AOPEP: variants seen among roughly 807,000 people sequenced by gnomAD.
AOPEP encodes the protein aminopeptidase O (putative).
Under a neutral mutation model 98.1 loss-of-function variants are expected in AOPEP, and 77 were observed. The ratio of observed to expected loss-of-function variants is 0.78; its 90% CI spans 0.65 to 0.95. The LOEUF (loss-of-function observed/expected upper bound fraction) is 0.95. Ranked by LOEUF, AOPEP falls within the 40% of genes least tolerant of loss-of-function variation. AOPEP has a pLI of 0.00. For missense variants in AOPEP, 1,024 were observed against 1,024.7 expected, an observed-to-expected ratio of 1.00 and a Z score of 0.01; for synonymous variants, 346 against 365.3, an observed-to-expected ratio of 0.95 and a Z score of 0.60.
intron 5 of AOPEP, among the ~76,000 whole-genome samples, chr9:94,850,741 C>T (rs570755997): frequency 6.6e-6 from 1 of 152,306 alleles, no homozygotes; most frequent in Non-Finnish European, 1.5e-5. Context: ...GTTGTTTACC[C>T]CTCCCTATGT....
At chr9:95,135,566 A>G in the AOPEP span, 3 of 1,466,756 alleles carry the variant, frequency 2.0e-6, no homozygotes, top group Admixed American at 1.8e-5. Flanking sequence ...AAGATTAAAA[A>G]AAGTTCAAAA....
intron 7 of AOPEP, among the ~76,000 whole-genome samples, chr9:94,948,326 A>G (rs923348783): frequency 3.0e-4 from 46 of 151,572 alleles, no homozygotes; most frequent in Middle Eastern, 3.4e-3. Flanking sequence ...CCATATGCTC[A>G]CCGTTGCATG....
chr9:95,143,190 A>G, the AOPEP span, among the ~76,000 whole-genome samples: 2 of 152,228 alleles, frequency 1.3e-5, no homozygotes, highest in Admixed American at 1.3e-4. Flanking sequence ...CACATGGAAG[A>G]GATGCATGGG....
At chr9:95,145,744 T>G in the AOPEP span, among the ~76,000 whole-genome samples, 1 of 152,092 alleles carries the variant, frequency 6.6e-6, no homozygotes, top group Non-Finnish European at 1.5e-5. Context: ...ATGTGAGAAC[T>G]GAGAATGTGA....
At chr9:94,909,747 G>A (rs2051732744) in intron 5 of AOPEP, among the ~76,000 whole-genome samples, 1 of 152,190 alleles carries the variant, frequency 6.6e-6, no homozygotes. Context: ...CCAGTTTCAG[G>A]CAAGGGGTGT....
chr9:95,037,046 A>G (rs1240772854), intron 13 of AOPEP, among the ~76,000 whole-genome samples: 5 of 152,184 alleles, frequency 3.3e-5, no homozygotes, highest in Non-Finnish European at 7.3e-5. Context: ...TTAGTTGAAC[A>G]CCACAGATGT....
chr9:94,758,759 G>A lies in AOPEP; in HGVS notation c.-135-890G>A, dbSNP rs181586937. 6.8e-4 allele frequency among the ~76,000 whole-genome samples: 104 copies of A among 152,272 alleles called. 1 individual carries two copies. The highest frequency in any genetic ancestry group is 2.3e-3 in the African/African-American group (96 of 41,566). On this transcript the variant is annotated intron_variant, in intron 1 of 16. Coordinates refer to ENST00000375315, the MANE Select transcript of AOPEP (RefSeq NM_001193329.3). ...TGCTGAAAGAAACTAGGTACACAACGGGGACTGAAATAATTTCAAATAATT... is the reference window on the plus strand; with the variant it reads ...TGCTGAAAGAAACTAGGTACACAACAGGGACTGAAATAATTTCAAATAATT...
intron 5 of AOPEP, among the ~76,000 whole-genome samples, chr9:94,882,949 T>C (rs1340432935): frequency 6.6e-6 from 1 of 152,236 alleles, no homozygotes; most frequent in African/African-American, 2.4e-5. Flanking sequence ...CAGTCTCTGA[T>C]TCTTTGGATT....
chr9:95,083,677 A>G (rs773354430), intron 16 of AOPEP, among the ~76,000 whole-genome samples: 2 of 150,690 alleles, frequency 1.3e-5, no homozygotes, highest in South Asian at 4.2e-4. Flanking sequence ...CACCTGCGGC[A>G]CACACAGCAC....
chr9:95,140,313 A>G, the AOPEP span, among the ~76,000 whole-genome samples: 2 of 152,254 alleles, frequency 1.3e-5, no homozygotes, highest in South Asian at 2.1e-4. Flanking sequence ...CTTCCAAAAG[A>G]CACCTCCTTG....
chr9:94,797,412 A>G (rs111517646), intron 4 of AOPEP, among the ~76,000 whole-genome samples: 1,653 of 150,794 alleles, frequency 0.011, 28 homozygotes, highest in African/African-American at 0.038. Context: ...GCCTGGCAAT[A>G]GAGCAAGACT....
the AOPEP span, among the ~76,000 whole-genome samples, chr9:95,139,472 C>A: frequency 2.0e-5 from 3 of 152,134 alleles, no homozygotes; most frequent in African/African-American, 7.2e-5. Flanking sequence ...TTACTGCAAT[C>A]CTTATATATG....
intron 7 of AOPEP, among the ~76,000 whole-genome samples, chr9:94,940,390 G>C (rs2056870619): frequency 6.6e-6 from 1 of 152,158 alleles, no homozygotes; most frequent in Admixed American, 6.5e-5. Context: ...CAGATCACTT[G>C]AGGTCAGGAG....
At chr9:95,027,150 T>C (rs1402402353) in intron 13 of AOPEP, among the ~76,000 whole-genome samples, 1 of 152,118 alleles carries the variant, frequency 6.6e-6, no homozygotes, top group Non-Finnish European at 1.5e-5. Context: ...TGGTTCCAGC[T>C]ACTTGGGAGG....
chr9:94,759,864 A>AG lies in AOPEP; in HGVS notation c.81_82insG (p.Leu28AlafsTer8). The AG allele has an allele frequency of 6.2e-7, 1 of 1,614,160 alleles. No homozygotes were observed. Among genetic ancestry groups the AG allele is most frequent in the South Asian group, 1.1e-5 (1 of 91,080 alleles). ...GCCACATACTTGTGAAGCACTATGT[A>AG]CTGGATTTGGATGTGGATTTTGAAA... On this transcript the variant is annotated frameshift_variant, in exon 2 of 17. Coordinates refer to ENST00000375315, the MANE Select transcript of AOPEP (RefSeq NM_001193329.3). LOFTEE classifies it high-confidence loss of function.
chr9:94,854,768 G>A (rs2043970127), intron 5 of AOPEP, among the ~76,000 whole-genome samples: 1 of 152,132 alleles, frequency 6.6e-6, no homozygotes, highest in African/African-American at 2.4e-5. Flanking sequence ...ATCAATTTAT[G>A]TTTACCATAA....
chr9:95,001,860 C>G (rs2061578581), intron 11 of AOPEP, among the ~76,000 whole-genome samples: 1 of 152,108 alleles, frequency 6.6e-6, no homozygotes, highest in African/African-American at 2.4e-5. Context: ...TCACCGTAGC[C>G]TCTGCCTCCC....
chr9:94,919,569 GC>G (rs2053302446), intron 5 of AOPEP, among the ~76,000 whole-genome samples: 1 of 152,186 alleles, frequency 6.6e-6, no homozygotes, highest in East Asian at 1.9e-4. Flanking sequence ...AGAAGAAGGG[GC>G]AGGGGCTGAG....
intron 11 of AOPEP, among the ~76,000 whole-genome samples, chr9:95,004,524 G>A (rs2061788845): frequency 1.3e-5 from 2 of 152,134 alleles, no homozygotes; most frequent in African/African-American, 2.4e-5. Context: ...CGGTCCCGGA[G>A]AAAACTCCAC....
Sources: allele counts gnomAD v4.1 joint callset (sites outside exome capture counted in the v4.1 genomes callset), GRCh38; gene constraint gnomAD v4.1.1; transcripts MANE v1.5; gene names NCBI Gene and HGNC (gene_info 2026-07-23, HGNC 2026-07-21).